Variants in PPFIA2 observed in about 807,000 individuals in gnomAD.
PPFIA2 encodes the protein PPFI scaffold protein A2.
A neutral mutation model predicts 175.5 loss-of-function variants in PPFIA2; 46 were observed. The observed-to-expected ratio is 0.26, with a 90% confidence interval of 0.21 to 0.34. PPFIA2 has a LOEUF of 0.34. PPFIA2 is among the 10% of genes least tolerant of loss of function. The pLI is 1.00. For synonymous variants in PPFIA2, 568 were observed against 511.4 expected (o/e 1.11, Z -1.49); for missense variants, 1,179 against 1,506.1 (o/e 0.78, Z 3.60).
intron 4 of PPFIA2, among the ~76,000 whole-genome samples, chr12:81,486,183 T>G (rs1040978295): frequency 2.6e-4 from 39 of 151,994 alleles, no homozygotes; most frequent in African/African-American, 7.9e-4. Context: ...ACAATAACCA[T>G]ATGGTGTTGC....
At chr12:81,530,527 T>C (rs1388904408) in intron 4 of PPFIA2, among the ~76,000 whole-genome samples, 1 of 151,906 alleles carries the variant, frequency 6.6e-6, no homozygotes, top group Non-Finnish European at 1.5e-5. Context: ...AGAGCAACTT[T>C]TAAAAAAATT....
intron 4 of PPFIA2, among the ~76,000 whole-genome samples, chr12:81,656,775 T>C (rs2067856986): frequency 6.6e-6 from 1 of 151,548 alleles, no homozygotes; most frequent in South Asian, 2.1e-4. Flanking sequence ...ATATTAAATA[T>C]TAAATATATA....
chr12:81,301,072 G>T (rs2047714153), intron 22 of PPFIA2, among the ~76,000 whole-genome samples: 1 of 152,026 alleles, frequency 6.6e-6, no homozygotes, highest in African/African-American at 2.4e-5. Flanking sequence ...TTTAGAAAAG[G>T]GGTTAATAGC....
At chr12:81,436,056 CTGTT>C (rs1327175640) in intron 7 of PPFIA2, among the ~76,000 whole-genome samples, 1 of 151,576 alleles carries the variant, frequency 6.6e-6, no homozygotes, top group African/African-American at 2.4e-5. Flanking sequence ...GTTGGGCAGA[CTGTT>C]TGACCCCTGG....
chr12:81,673,512 G>T (rs966928987), intron 4 of PPFIA2, among the ~76,000 whole-genome samples: 2 of 151,840 alleles, frequency 1.3e-5, no homozygotes, highest in African/African-American at 4.8e-5. Flanking sequence ...AACGAATTTT[G>T]CACTTTCAAT....
At chr12:81,547,386 TC>T (rs2067168022) in intron 4 of PPFIA2, among the ~76,000 whole-genome samples, 2 of 152,184 alleles carry the variant, frequency 1.3e-5, no homozygotes, top group South Asian at 4.2e-4. Context: ...CTTTTTTTTT[TC>T]TTTTTGAGAC....
At chr12:81,649,753 A>G (rs1247833384) in intron 4 of PPFIA2, among the ~76,000 whole-genome samples, 1 of 152,222 alleles carries the variant, frequency 6.6e-6, no homozygotes, top group Non-Finnish European at 1.5e-5. Flanking sequence ...GCAAAACCAT[A>G]GAAGAATCTT....
chr12:81,596,271 T>C (rs1279845964), intron 4 of PPFIA2, among the ~76,000 whole-genome samples: 1 of 151,588 alleles, frequency 6.6e-6, no homozygotes, highest in African/African-American at 2.4e-5. Flanking sequence ...TCTTTGTGCT[T>C]TAAAAATCTT....
At chr12:81,579,708 A>C (rs2153425931) in intron 4 of PPFIA2, among the ~76,000 whole-genome samples, 1 of 151,996 alleles carries the variant, frequency 6.6e-6, no homozygotes, top group Middle Eastern at 3.4e-3. Flanking sequence ...ATTATTTATA[A>C]CTGAAGGAAG....
intron 22 of PPFIA2, chr12:81,302,599 T>G: frequency 2.5e-6 from 1 of 397,134 alleles, no homozygotes; most frequent in African/African-American, 2.1e-5. Context: ...AGGGCTGACA[T>G]ACTTGAGACT....
chr12:81,292,612 G>A (rs990157418), intron 24 of PPFIA2: 19 of 151,960 alleles, frequency 1.3e-4, no homozygotes, highest in African/African-American at 4.6e-4. Flanking sequence ...GCATATATGT[G>A]TACATATAAA....
chr12:81,320,277 A>C lies in PPFIA2; in HGVS notation c.2642+5500T>G, dbSNP rs566464342. ...CTCAGGATTGTGATGGGAATAAATT[A>C]AGTAAATCTATAGAGCTTAACTTTT... On this transcript the variant is annotated intron_variant, in intron 22 of 32. Coordinates refer to ENST00000549396, the MANE Select transcript of PPFIA2 (RefSeq NM_003625.5). Among the ~76,000 whole-genome samples the C allele has an allele frequency of 2.8e-4, 43 of 152,164 alleles. No individual in the cohort carries two copies. The South Asian group carries it at 7.9e-3, about 28-fold the overall frequency.
intron 22 of PPFIA2, among the ~76,000 whole-genome samples, chr12:81,303,885 C>T (rs2048477709): frequency 6.6e-6 from 1 of 152,162 alleles, no homozygotes; most frequent in Non-Finnish European, 1.5e-5. Context: ...GACTAATTAA[C>T]CAGGCGGGTG....
chr12:81,616,435 G>A (rs1207839680), intron 4 of PPFIA2, among the ~76,000 whole-genome samples: 2 of 152,058 alleles, frequency 1.3e-5, no homozygotes, highest in African/African-American at 4.8e-5. Context: ...GACTAGGTAA[G>A]AAATAAAGGG....
chr12:81,662,677 A>G (rs1423062525), intron 4 of PPFIA2, among the ~76,000 whole-genome samples: 2 of 152,126 alleles, frequency 1.3e-5, no homozygotes, highest in African/African-American at 2.4e-5. Flanking sequence ...TTGAAAAAGA[A>G]GTAATCCTCC....
intron 5 of PPFIA2, among the ~76,000 whole-genome samples, chr12:81,445,995 C>T (rs1054628869): frequency 2.0e-5 from 3 of 152,048 alleles, no homozygotes; most frequent in South Asian, 2.1e-4. Context: ...AATTTCAGTA[C>T]GAATTCAGCA....
At chr12:81,427,900 G>T (rs1031228515) in intron 7 of PPFIA2, among the ~76,000 whole-genome samples, 1 of 151,900 alleles carries the variant, frequency 6.6e-6, no homozygotes, top group Non-Finnish European at 1.5e-5. Flanking sequence ...CTGAGAAGTT[G>T]AATTAATTGC....
intron 3 of PPFIA2, among the ~76,000 whole-genome samples, chr12:81,742,897 A>T (rs1195324048): frequency 6.6e-6 from 1 of 152,164 alleles, no homozygotes; most frequent in Non-Finnish European, 1.5e-5. Context: ...TCCACTGTCT[A>T]AAGTTGCTGA....
chr12:81,644,851 T>G (rs562295834), intron 4 of PPFIA2, among the ~76,000 whole-genome samples: 5 of 152,250 alleles, frequency 3.3e-5, no homozygotes, highest in East Asian at 1.9e-4. Flanking sequence ...ACTGAAAACT[T>G]ATTTTCATTT....
Sources: allele counts gnomAD v4.1 joint callset (sites outside exome capture counted in the v4.1 genomes callset), GRCh38; gene constraint gnomAD v4.1.1; transcripts MANE v1.5; gene names NCBI Gene and HGNC (gene_info 2026-07-23, HGNC 2026-07-21).